UGT8: variants seen among roughly 807,000 people sequenced by gnomAD.
The protein encoded by UGT8 is UDP glycosyltransferase 8, also known as 2-hydroxyacylsphingosine 1-beta-galactosyltransferase.
A neutral mutation model predicts 40.5 loss-of-function variants in UGT8; 12 were observed. That is an observed-to-expected ratio of 0.30 (90% CI 0.19 to 0.48). UGT8 has a LOEUF of 0.48. Among genes scored for constraint, UGT8 ranks in the 20% least tolerant of loss-of-function variants. The pLI is 0.99. For missense variants in UGT8, 513 were observed against 648.7 expected (o/e 0.79, Z 2.27); for synonymous variants, 224 against 240.4 (o/e 0.93, Z 0.63).
chr4:114,600,004 C>G (rs529948191), intron 1 of UGT8, among the ~76,000 whole-genome samples: 1 of 152,030 alleles, frequency 6.6e-6, no homozygotes, highest in East Asian at 1.9e-4. Context: ...ACCTGTACCG[C>G]GAGTTCCCAT....
chr4:114,650,752 A>T (rs1260848456), intron 2 of UGT8, among the ~76,000 whole-genome samples: 1 of 152,134 alleles, frequency 6.6e-6, no homozygotes, highest in East Asian at 1.9e-4. Context: ...TCATAAATTC[A>T]GGGCTTTGTT....
chr4:114,672,076 A>G (rs1735325741), intron 5 of UGT8, among the ~76,000 whole-genome samples: 1 of 152,238 alleles, frequency 6.6e-6, no homozygotes, highest in Non-Finnish European at 1.5e-5. Context: ...AAAAAGGTTA[A>G]CATCACTGAT....
chr4:114,620,448 T>C (rs1449368248), intron 1 of UGT8, among the ~76,000 whole-genome samples: 1 of 152,232 alleles, frequency 6.6e-6, no homozygotes, highest in African/African-American at 2.4e-5. Flanking sequence ...GAGAGACACA[T>C]AGGTGAGGCA....
intron 2 of UGT8, among the ~76,000 whole-genome samples, chr4:114,652,295 A>C (rs1390360308): frequency 2.6e-5 from 4 of 152,022 alleles, no homozygotes; most frequent in African/African-American, 9.7e-5. Flanking sequence ...GGGAATGTAG[A>C]ACCATGTAGT....
In UGT8 at chr4:114,623,140, A is replaced by T. The variant is rs781541134; in HGVS notation, c.260A>T (p.Gln87Leu). Residue 87 changes from glutamine to leucine, a missense_variant, in exon 2 of 6, where the codon CAG becomes CTG. Transcript: ENST00000310836. The stretch of plus-strand genomic sequence containing the variant: ...AGTACCACCTCAGATGCTTTCCTAC[A>T]GTCCAAGATGCGGAATATTTTCTCT... The part of the protein sequence containing the change: ...FNSTTSDAFL[Q>L]SKMRNIFSGR... The T allele has an allele frequency of 3.7e-6, 6 of 1,614,138 alleles. No homozygotes were observed. Among genetic ancestry groups the T allele is most frequent in the Non-Finnish European group, 5.1e-6 (6 of 1,180,016 alleles).
At chr4:114,637,738 T>G (rs1263596964) in intron 2 of UGT8, among the ~76,000 whole-genome samples, 15 of 152,234 alleles carry the variant, frequency 9.9e-5, no homozygotes, top group Non-Finnish European at 2.9e-5. Flanking sequence ...TCCAATTATA[T>G]ACCTGCTAAA....
chr4:114,644,285 G>C (rs369373954), intron 2 of UGT8, among the ~76,000 whole-genome samples: 4 of 152,094 alleles, frequency 2.6e-5, no homozygotes, highest in African/African-American at 4.8e-5. Flanking sequence ...CTGAAAGTAG[G>C]TTTAAGGAGC....
In UGT8 at chr4:114,676,332, ATT is replaced by A; in HGVS notation, c.*48_*49del. 1 of 1,472,822 alleles carries A rather than the reference ATT, an allele frequency of 6.8e-7. No homozygotes were observed. Among genetic ancestry groups the A allele is most frequent in the Non-Finnish European group, 9.1e-7 (1 of 1,095,826 alleles). The allele number at this position is 1,472,822 out of a possible 1,614,324, so 91.2% of individuals were successfully genotyped here. ...AGAAATAAATTGGTTCACTCATTGAATTTTTATTGCTATTATTTAGTCTAACA... is the reference window on the plus strand; with the variant it reads ...AGAAATAAATTGGTTCACTCATTGAATTTATTGCTATTATTTAGTCTAACA... On this transcript the variant is annotated 3_prime_UTR_variant, in exon 6 of 6. Transcript: ENST00000310836.
intron 5 of UGT8, among the ~76,000 whole-genome samples, chr4:114,672,785 T>C (rs1413486680): frequency 2.0e-5 from 3 of 152,198 alleles, no homozygotes; most frequent in Admixed American, 6.5e-5. Flanking sequence ...CCATTTTCTT[T>C]TAGAAGAAAT....
intron 2 of UGT8, 104 bp downstream of exon 2, chr4:114,623,806 G>A: frequency 1.5e-6 from 2 of 1,372,680 alleles, no homozygotes; most frequent in Non-Finnish European, 9.5e-7. Context: ...TATATATACA[G>A]TACACTAAAA....
chr4:114,649,334 T>C (rs1239194864), intron 2 of UGT8, among the ~76,000 whole-genome samples: 3 of 152,224 alleles, frequency 2.0e-5, no homozygotes, highest in Non-Finnish European at 4.4e-5. Flanking sequence ...TGAACATTTA[T>C]TGATTTATTT....
chr4:114,675,997 C>A lies in UGT8; in HGVS notation c.1335C>A (p.Ile445=), dbSNP rs371750245. Reference sequence around the variant, plus strand: ...CTGGTCACCCTGTCAATCGAACTATCTATTGGATAGATTATATTATTCGTC... The same window carrying A: ...CTGGTCACCCTGTCAATCGAACTATATATTGGATAGATTATATTATTCGTC... ...DQPGHPVNRT[I]YWIDYIIRHN... is the part of the protein sequence containing the mutation. The change falls in exon 6 of 6, where the codon ATC becomes ATA. Residue 445 remains isoleucine (I), a synonymous_variant. Coordinates refer to ENST00000310836, the MANE Select transcript of UGT8 (RefSeq NM_001128174.3). The A allele has an allele frequency of 1.9e-6, 3 of 1,614,074 alleles. No homozygotes were observed. The African/African-American group carries it at 4.0e-5, about 22-fold the overall frequency.
intron 2 of UGT8, among the ~76,000 whole-genome samples, chr4:114,638,926 G>A (rs1194400641): frequency 6.6e-6 from 1 of 152,106 alleles, no homozygotes; most frequent in Non-Finnish European, 1.5e-5. Flanking sequence ...AATATGGTGG[G>A]GATCTTAGTA....
chr4:114,620,477 T>C (rs1731717170), intron 1 of UGT8, among the ~76,000 whole-genome samples: 1 of 152,198 alleles, frequency 6.6e-6, no homozygotes, highest in Admixed American at 6.5e-5. Context: ...GAATAAACAT[T>C]TGGAAGGTTT....
At chr4:114,629,018 T>C (rs1732416936) in intron 2 of UGT8, among the ~76,000 whole-genome samples, 1 of 152,026 alleles carries the variant, frequency 6.6e-6, no homozygotes, top group South Asian at 2.1e-4. Context: ...CATATGGTGA[T>C]TGAAAGCTGG....
intron 2 of UGT8, among the ~76,000 whole-genome samples, chr4:114,628,094 A>T (rs1458604204): frequency 1.3e-5 from 2 of 152,090 alleles, no homozygotes; most frequent in African/African-American, 2.4e-5. Flanking sequence ...ATACTGTCCT[A>T]GCCATTAAGC....
At position 114,668,144 on chromosome 4, in the gene UGT8, A is replaced by C; in HGVS notation, c.1102A>C (p.Ile368Leu). Reference sequence around the variant, plus strand: ...TGGTTTGAACAGTATTTTTGAAACTATATATCATGGTGTGCCTGTAGTGGG... The same window carrying C: ...TGGTTTGAACAGTATTTTTGAAACTCTATATCATGGTGTGCCTGTAGTGGG... ...HGGLNSIFET[I>L]YHGVPVVGIP... The change falls in exon 5 of 6, where the codon ATA (isoleucine) becomes CTA (leucine). Residue 368 changes from isoleucine (I) to leucine (L), a missense_variant. Ile to Leu is a conservative substitution (Grantham distance 5). Transcript: ENST00000310836. 1 of 1,613,808 alleles carries C rather than the reference A, an allele frequency of 6.2e-7. No homozygotes were observed.
chr4:114,622,827 G>C (rs1731905645), intron 1 of UGT8, 52 bp from the exon 2 acceptor site: 5 of 1,465,122 alleles, frequency 3.4e-6, no homozygotes, highest in Admixed American at 2.2e-5. Context: ...TGCTTGTTTT[G>C]AATGGTGAGC....
At chr4:114,627,004 T>C (rs911426807) in intron 2 of UGT8, among the ~76,000 whole-genome samples, 1 of 152,136 alleles carries the variant, frequency 6.6e-6, no homozygotes, top group Non-Finnish European at 1.5e-5. Flanking sequence ...GCCTTGATAG[T>C]AGAAATCATT....
Sources: gnomAD v4.1 joint callset for allele counts (sites outside exome capture counted in the v4.1 genomes callset) on GRCh38, gnomAD v4.1.1 for gene constraint, MANE v1.5 for transcripts, NCBI Gene and HGNC (gene_info 2026-07-23, HGNC 2026-07-21) for gene names.